Variants in KIRREL3 observed in about 807,000 individuals in gnomAD.
KIRREL3 encodes the protein kin of IRRE-like protein 3.
Under a neutral mutation model 89.7 loss-of-function variants are expected in KIRREL3, and 36 were observed. The observed-to-expected ratio is 0.40, with a 90% confidence interval of 0.31 to 0.53. The LOEUF is 0.53. KIRREL3 is among the 20% of genes least tolerant of loss of function. The pLI is 0.49. For missense variants in KIRREL3, 864 were observed against 1,056.6 expected (o/e 0.82, Z 2.53); for synonymous variants, 445 against 441.4 (o/e 1.01, Z -0.10).
intron 5 of KIRREL3, among the ~76,000 whole-genome samples, chr11:126,464,089 C>A (rs1213728098): frequency 6.6e-6 from 1 of 152,086 alleles, no homozygotes; most frequent in Non-Finnish European, 1.5e-5. Context: ...CAGAATATGA[C>A]CTTATTTGGG....
rs1347995941 is a variant in KIRREL3 at position 126,876,960 on chromosome 11, A to G, written c.55+123495T>C. 6.6e-6 allele frequency among the ~76,000 whole-genome samples: 1 copy of G among 152,246 alleles called. No individual in the cohort carries two copies. Among genetic ancestry groups the G allele is most frequent in the Non-Finnish European group, 1.5e-5 (1 of 68,052 alleles). On this transcript the variant is annotated intron_variant, in intron 1 of 16. Transcript: ENST00000525144. The surrounding 1 kb of genome is among the most constrained non-coding windows in gnomAD (Gnocchi z 4.1). ...CAGACTATCACTGAACTCATAAAAA[A>G]AGAGTTATATTACTGGGCACCCAGG...
chr11:126,779,324 CA>C (rs1394842928), intron 1 of KIRREL3, among the ~76,000 whole-genome samples: 1 of 152,174 alleles, frequency 6.6e-6, no homozygotes, highest in Non-Finnish European at 1.5e-5. Context: ...GTGGGCCACC[CA>C]GTAAGATTCA....
In KIRREL3 at chr11:126,495,111, C is replaced by T. The variant is rs1223208188; in HGVS notation, c.434-21645G>A. Among the ~76,000 whole-genome samples the T allele has an allele frequency of 2.6e-5, 4 of 152,092 alleles. No individual in the cohort carries two copies. Among genetic ancestry groups the T allele is most frequent in the Non-Finnish European group, 4.4e-5 (3 of 68,002 alleles). Reference sequence around the variant, plus strand: ...TTAGGCCCTGACCTCCAGGCAAGTCCCAAGGTCTGTTGCTCGGACCCTGGG... The same window carrying T: ...TTAGGCCCTGACCTCCAGGCAAGTCTCAAGGTCTGTTGCTCGGACCCTGGG... On this transcript the variant is annotated intron_variant, in intron 4 of 16. Coordinates refer to ENST00000525144, the MANE Select transcript of KIRREL3 (RefSeq NM_032531.4). The surrounding 1 kb of genome is among the most constrained non-coding windows in gnomAD (Gnocchi z 6.5).
chr11:126,811,819 T>G lies in KIRREL3; in HGVS notation c.55+188636A>C, dbSNP rs568067206. On this transcript the variant is annotated intron_variant, in intron 1 of 16. Transcript: ENST00000525144. This position sits in a 1 kb window ranked among gnomAD's most constrained non-coding sequence, Gnocchi z 4.3. ...CCAGGCTAGTCTCAAACTCCTGAAC[T>G]CGGGTGATCCACCCGCCTTGGCCTC... 2.0e-5 allele frequency among the ~76,000 whole-genome samples: 3 copies of G among 152,270 alleles called. No individual in the cohort carries two copies. The highest frequency in any genetic ancestry group is 7.2e-5 in the African/African-American group (3 of 41,548).
chr11:126,838,010 C>G (rs1943837693), intron 1 of KIRREL3, among the ~76,000 whole-genome samples: 1 of 152,154 alleles, frequency 6.6e-6, no homozygotes, highest in African/African-American at 2.4e-5. Context: ...GTCCCCAGAC[C>G]TGTAAGTCAT....
intron 1 of KIRREL3, among the ~76,000 whole-genome samples, chr11:126,751,659 T>G (rs1949340910): frequency 6.6e-6 from 1 of 151,798 alleles, no homozygotes; most frequent in Non-Finnish European, 1.5e-5. Flanking sequence ...CTAAATATTC[T>G]TTTTGAGGAA....
intron 1 of KIRREL3, among the ~76,000 whole-genome samples, chr11:126,675,618 G>A (rs1306298349): frequency 6.6e-6 from 1 of 152,178 alleles, no homozygotes; most frequent in Non-Finnish European, 1.5e-5. Flanking sequence ...CCATCCCAAT[G>A]CCTACTGTCG....
intron 1 of KIRREL3, among the ~76,000 whole-genome samples, chr11:126,925,782 A>G (rs1947688738): frequency 6.6e-6 from 1 of 152,222 alleles, no homozygotes; most frequent in Non-Finnish European, 1.5e-5. Flanking sequence ...GCATGGCTGC[A>G]CTGCAACAGC....
chr11:126,451,505 AGT>A (rs1257238350), intron 7 of KIRREL3, among the ~76,000 whole-genome samples: 6 of 121,990 alleles, frequency 4.9e-5, no homozygotes, highest in Non-Finnish European at 6.7e-5. Flanking sequence ...TGCATGTGTG[AGT>A]GTGTCCATTT....
At chr11:126,659,289 T>C (rs1318221465) in intron 1 of KIRREL3, among the ~76,000 whole-genome samples, 2 of 152,116 alleles carry the variant, frequency 1.3e-5, no homozygotes, top group Admixed American at 6.5e-5. Flanking sequence ...AAAATGAGAG[T>C]GACACCTCAT....
intron 1 of KIRREL3, among the ~76,000 whole-genome samples, chr11:126,910,282 G>A (rs1946763103): frequency 6.6e-6 from 1 of 152,162 alleles, no homozygotes; most frequent in African/African-American, 2.4e-5. Context: ...TTATAAAAAG[G>A]CTTTCAGATG....
At position 126,817,940 on chromosome 11, in the gene KIRREL3, G is replaced by C. The variant is rs1238749850; in HGVS notation, c.55+182515C>G. Among the ~76,000 whole-genome samples the C allele has an allele frequency of 2.0e-5, 3 of 152,224 alleles. No individual in the cohort carries two copies. Among genetic ancestry groups the C allele is most frequent in the Non-Finnish European group, 2.9e-5 (2 of 68,044 alleles). The stretch of plus-strand genomic sequence containing the variant: ...GCTCTGGCTGAGCCACTCAGCTCTT[G>C]AATCAGAGGCTTCAGCAGGAGGAGA... On this transcript the variant is annotated intron_variant, in intron 1 of 16. Coordinates refer to ENST00000525144, the MANE Select transcript of KIRREL3 (RefSeq NM_032531.4). The surrounding 1 kb of genome is among the most constrained non-coding windows in gnomAD (Gnocchi z 5.7).
At position 126,424,759 on chromosome 11, in the gene KIRREL3, T is replaced by C. The variant is rs983219409; in HGVS notation, c.2158A>G (p.Ser720Gly). The change falls in exon 17 of 17, where the codon AGC becomes GGC. Residue 720 changes from serine (S) to glycine (G), a missense_variant. Physicochemically the swap from Ser to Gly is moderately conservative, Grantham distance 56. Coordinates refer to ENST00000525144, the MANE Select transcript of KIRREL3 (RefSeq NM_032531.4). ...EFQRGSLSDS[S>G]SFLDTQCDSS... Reference sequence around the variant, plus strand: ...TCACACTGCGTGTCCAGGAAGGAGCTGCTGTCGCTGAGGGAGCCTCTCTGG... The same window carrying C: ...TCACACTGCGTGTCCAGGAAGGAGCCGCTGTCGCTGAGGGAGCCTCTCTGG... 1 of 1,614,054 alleles carries C rather than the reference T, an allele frequency of 6.2e-7. No homozygotes were observed. The highest frequency in any genetic ancestry group is 8.5e-7 in the Non-Finnish European group (1 of 1,179,900).
At chr11:126,835,779 C>T (rs572520083) in intron 1 of KIRREL3, among the ~76,000 whole-genome samples, 10 of 152,300 alleles carry the variant, frequency 6.6e-5, no homozygotes, top group Admixed American at 1.3e-4. Flanking sequence ...TCTCTAGTGC[C>T]TTCCTTTGCC....
rs1000641542 is a variant in KIRREL3 at position 126,656,983 on chromosome 11, C to T, written c.56-94071G>A. Among the ~76,000 whole-genome samples the T allele has an allele frequency of 4.0e-5, 6 of 151,526 alleles. No individual in the cohort carries two copies. The highest frequency in any genetic ancestry group is 8.8e-5 in the Non-Finnish European group (6 of 67,924). ...ATGAGAGTGGCTTGAACCCAGGAGG[C>T]TAGGGTTGTGGTGAGCTGAGATCAT... On this transcript the variant is annotated intron_variant, in intron 1 of 16. Transcript: ENST00000525144. This position sits in a 1 kb window ranked among gnomAD's most constrained non-coding sequence, Gnocchi z 4.0.
At chr11:126,941,802 A>G (rs1448451688) in intron 1 of KIRREL3, among the ~76,000 whole-genome samples, 1 of 152,238 alleles carries the variant, frequency 6.6e-6, no homozygotes, top group East Asian at 1.9e-4. Context: ...GATCTATCTC[A>G]GTGTAACTAA....
chr11:126,935,492 G>T (rs1948146794), intron 1 of KIRREL3: 1 of 152,158 alleles, frequency 6.6e-6, no homozygotes, highest in South Asian at 2.1e-4. Flanking sequence ...CCTTCAGCAG[G>T]TGAATGGAAA....
chr11:126,691,729 T>C (rs931409736), intron 1 of KIRREL3, among the ~76,000 whole-genome samples: 3 of 152,230 alleles, frequency 2.0e-5, no homozygotes, highest in African/African-American at 4.8e-5. Context: ...GCATTGAAGA[T>C]TGATGTTGCT....
intron 8 of KIRREL3, among the ~76,000 whole-genome samples, chr11:126,448,434 C>T (rs888701410): frequency 6.6e-6 from 1 of 152,162 alleles, no homozygotes; most frequent in African/African-American, 2.4e-5. Flanking sequence ...GACCTCAGAC[C>T]TCCATCTCCT....
Sources: gnomAD v4.1 joint callset for allele counts (sites outside exome capture counted in the v4.1 genomes callset) on GRCh38, gnomAD v4.1.1 for gene constraint, Gnocchi (gnomAD v3.1) non-coding constraint, MANE v1.5 for transcripts, NCBI Gene and HGNC (gene_info 2026-07-23, HGNC 2026-07-21) for gene names.